Variants in KITLG observed in about 807,000 individuals in gnomAD.
KITLG encodes the protein KIT ligand, also known as c-Kit ligand.
In KITLG, 13 loss-of-function variants were observed where a neutral mutation model predicts 34.1. The ratio of observed to expected loss-of-function variants is 0.38; its 90% CI spans 0.25 to 0.61. KITLG has a LOEUF of 0.61. Among genes scored for constraint, KITLG ranks in the 20% least tolerant of loss-of-function variants. The pLI is 0.60. For missense variants in KITLG, 292 were observed against 318.9 expected (o/e 0.92, Z 0.64); for synonymous variants, 110 against 104.0 (o/e 1.06, Z -0.35).
intron 1 of KITLG, among the ~76,000 whole-genome samples, chr12:88,579,013 CT>C (rs1218812967): frequency 1.3e-5 from 2 of 152,296 alleles, no homozygotes; most frequent in Admixed American, 1.3e-4. Flanking sequence ...CGCGTCTTTT[CT>C]CTTAGAGAGT....
At chr12:88,524,076 T>C (rs1869777103) in intron 3 of KITLG, among the ~76,000 whole-genome samples, 1 of 152,194 alleles carries the variant, frequency 6.6e-6, no homozygotes, top group African/African-American at 2.4e-5. Context: ...GTCCCAACTC[T>C]GTCAATTCAC....
intron 1 of KITLG, among the ~76,000 whole-genome samples, chr12:88,567,406 A>G (rs568786181): frequency 6.6e-6 from 1 of 152,368 alleles, no homozygotes; most frequent in Non-Finnish European, 1.5e-5. Flanking sequence ...TGAACAAATC[A>G]GCACTCCATC....
chr12:88,566,613 A>C (rs1871451790), intron 1 of KITLG, among the ~76,000 whole-genome samples: 2 of 152,162 alleles, frequency 1.3e-5, no homozygotes, highest in South Asian at 4.1e-4. Flanking sequence ...CAAGTGCAGC[A>C]ATATTGGTAT....
At chr12:88,550,232 A>G (rs1492351) in intron 1 of KITLG, among the ~76,000 whole-genome samples, 101,955 of 152,060 alleles carry the variant, frequency 0.67, 37,340 homozygotes, top group Middle Eastern at 0.87. Context: ...GTAGCTGGCA[A>G]GAAATTGGGG....
intron 1 of KITLG, among the ~76,000 whole-genome samples, chr12:88,548,306 T>C (rs1476992032): frequency 2.0e-5 from 3 of 151,772 alleles, no homozygotes; most frequent in African/African-American, 7.3e-5. Flanking sequence ...ATACAAAAAT[T>C]AGCTGGGTGT....
chr12:88,496,234 A>G lies in KITLG; in HGVS notation c.*985T>C, dbSNP rs1236021457. 1 of 152,178 alleles carries G rather than the reference A, an allele frequency of 6.6e-6. No individual in the cohort carries two copies. Among genetic ancestry groups the G allele is most frequent in the African/African-American group, 2.4e-5 (1 of 41,470 alleles). 9.4% of individuals were successfully genotyped at this position (152,178 alleles called of 1,614,324 possible). On this transcript the variant is annotated 3_prime_UTR_variant, in exon 10 of 10. Coordinates refer to ENST00000644744, the MANE Select transcript of KITLG (RefSeq NM_000899.5). ...TGGGCGTGGTTTTCTAACCTTAGAT[A>G]CTAAATGTCATAATTTATTTTTAGG...
chr12:88,507,739 A>T (rs1731318981), intron 6 of KITLG, among the ~76,000 whole-genome samples: 1 of 152,146 alleles, frequency 6.6e-6, no homozygotes, highest in South Asian at 2.1e-4. Flanking sequence ...TAATGTTGGA[A>T]AGCTTAAGAC....
At chr12:88,554,288 G>A (rs1871023666) in intron 1 of KITLG, among the ~76,000 whole-genome samples, 1 of 152,082 alleles carries the variant, frequency 6.6e-6, no homozygotes, top group Admixed American at 6.6e-5. Flanking sequence ...CAGAAAAAAA[G>A]CCTTTTTTTC....
At chr12:88,533,339 G>C (rs745530912) in intron 2 of KITLG, among the ~76,000 whole-genome samples, 1 of 152,142 alleles carries the variant, frequency 6.6e-6, no homozygotes, top group Non-Finnish European at 1.5e-5. Context: ...TGAAGATCAA[G>C]ATACCTATGT....
rs965046530 is a variant in KITLG at position 88,580,467 on chromosome 12, G to A, written c.-189C>T. On this transcript the variant is annotated 5_prime_UTR_variant, in exon 1 of 10. Coordinates refer to ENST00000644744, the MANE Select transcript of KITLG (RefSeq NM_000899.5). ...CTAGTCTCGGCGCGAGGCGGCGAGC[G>A]AAGCCCGGCTGCTGAGCCGCCGGCG... The A allele has an allele frequency of 5.7e-6, 4 of 705,320 alleles. No homozygotes were observed. The highest frequency in any genetic ancestry group is 1.8e-5 in the African/African-American group (1 of 55,544). The allele number at this position is 705,320 out of a possible 1,614,324, so 43.7% of individuals were successfully genotyped here.
At chr12:88,535,769 T>C (rs1870293279) in intron 2 of KITLG, among the ~76,000 whole-genome samples, 1 of 152,194 alleles carries the variant, frequency 6.6e-6, no homozygotes, top group African/African-American at 2.4e-5. Context: ...CATGTCATCT[T>C]TGACAGAGTC....
At position 88,506,201 on chromosome 12, in the gene KITLG, G is replaced by C. The variant is rs1250354243; in HGVS notation, c.782+110C>G. On this transcript the variant is annotated intron_variant, in intron 8 of 9. Coordinates refer to ENST00000644744, the MANE Select transcript of KITLG (RefSeq NM_000899.5). Reference sequence around the variant, plus strand: ...GATAGAGTTGGGACTCACTGGTTAGGAGCTACTGTCATGAGTGAAGGACTT... The same window carrying C: ...GATAGAGTTGGGACTCACTGGTTAGCAGCTACTGTCATGAGTGAAGGACTT... The C allele has an allele frequency of 6.4e-6, 5 of 784,158 alleles. No homozygotes were observed. The Admixed American group carries it at 7.0e-5, about 11-fold the overall frequency. 48.6% of individuals were successfully genotyped at this position (784,158 alleles called of 1,614,324 possible).
At chr12:88,562,721 G>A (rs1268573649) in intron 1 of KITLG, among the ~76,000 whole-genome samples, 1 of 152,122 alleles carries the variant, frequency 6.6e-6, no homozygotes, top group East Asian at 1.9e-4. Flanking sequence ...CATGTAAGTG[G>A]AAAACTAGGC....
At chr12:88,510,674 A>C (rs1481465194) in intron 6 of KITLG, among the ~76,000 whole-genome samples, 2 of 152,258 alleles carry the variant, frequency 1.3e-5, no homozygotes. Context: ...TGCTATAAAC[A>C]TAATTCCCTT....
At chr12:88,533,800 C>T (rs1238867517) in intron 2 of KITLG, among the ~76,000 whole-genome samples, 1 of 151,962 alleles carries the variant, frequency 6.6e-6, no homozygotes, top group Non-Finnish European at 1.5e-5. Context: ...TCTGCTTGGT[C>T]TTGTCAATAG....
At chr12:88,555,822 C>T (rs970638725) in intron 1 of KITLG, among the ~76,000 whole-genome samples, 1 of 152,164 alleles carries the variant, frequency 6.6e-6, no homozygotes, top group African/African-American at 2.4e-5. Flanking sequence ...ATTTAACAGA[C>T]ATGTATGGAG....
chr12:88,573,255 G>T (rs1402456896), intron 1 of KITLG, among the ~76,000 whole-genome samples: 1 of 152,138 alleles, frequency 6.6e-6, no homozygotes, highest in Non-Finnish European at 1.5e-5. Context: ...ATCCAGGAGG[G>T]TGACAAGGCC....
intron 8 of KITLG, among the ~76,000 whole-genome samples, chr12:88,505,591 C>A (rs1364606938): frequency 6.6e-6 from 1 of 151,908 alleles, no homozygotes; most frequent in Non-Finnish European, 1.5e-5. Flanking sequence ...GAGTGCTGGG[C>A]AGTATAGGGT....
At chr12:88,506,922 T>G in intron 7 of KITLG, 106 bp downstream of exon 7, 1 of 749,046 alleles carries the variant, frequency 1.3e-6, no homozygotes. Flanking sequence ...GATTATAAGC[T>G]AAGGTAGAAT....
Sources: gnomAD v4.1 joint callset for allele counts (sites outside exome capture counted in the v4.1 genomes callset) on GRCh38, gnomAD v4.1.1 for gene constraint, MANE v1.5 for transcripts, NCBI Gene and HGNC (gene_info 2026-07-23, HGNC 2026-07-21) for gene names.